The following WDR72 variants were observed in gnomAD, a reference collection of about 807,000 sequenced individuals.
WDR72 encodes the protein WD repeat-containing protein 72.
In WDR72, 120 loss-of-function variants were observed where a neutral mutation model predicts 124.2. The ratio of observed to expected loss-of-function variants is 0.97; its 90% CI spans 0.83 to 1.12. WDR72 has a LOEUF of 1.12. Ranked by LOEUF, WDR72 falls within the 50% of genes most tolerant of loss-of-function variation. The pLI is 0.00. For synonymous variants in WDR72, 452 were observed against 441.7 expected, an observed-to-expected ratio of 1.02 and a Z score of -0.29; for missense variants, 1,387 against 1,278.8, an observed-to-expected ratio of 1.08 and a Z score of -1.29.
intron 1 of WDR72, among the ~76,000 whole-genome samples, chr15:53,750,345 T>G (rs1321492270): frequency 6.6e-6 from 1 of 152,196 alleles, no homozygotes; most frequent in African/African-American, 2.4e-5. Context: ...ATTTACAGAA[T>G]AGTTTACTGA....
chr15:53,581,616 T>C (rs1346418305), intron 18 of WDR72, among the ~76,000 whole-genome samples: 1 of 152,068 alleles, frequency 6.6e-6, no homozygotes, highest in Non-Finnish European at 1.5e-5. Flanking sequence ...TTCTGACATT[T>C]TGCAAATTTT....
At chr15:53,710,328 G>A (rs1219756355) in intron 9 of WDR72, among the ~76,000 whole-genome samples, 1 of 151,914 alleles carries the variant, frequency 6.6e-6, no homozygotes, top group Non-Finnish European at 1.5e-5. Flanking sequence ...AAAAATGTGT[G>A]GTGTGTGTGT....
In WDR72 at chr15:53,524,623, A is replaced by G. The variant is rs577121453; in HGVS notation, c.3149-1301T>C. Among the ~76,000 whole-genome samples, 8 of 152,208 alleles carry G rather than the reference A, an allele frequency of 5.3e-5. No individual in the cohort carries two copies. The East Asian group carries it at 1.6e-3, about 30-fold the overall frequency. The stretch of plus-strand genomic sequence containing the variant: ...CGGACAAACTTTAGAGAAGACTAGT[A>G]ACATGATTCTGGTTTAAATATTCCT... On this transcript the variant is annotated intron_variant, in intron 18 of 19. Coordinates refer to ENST00000360509, the MANE Select transcript of WDR72 (RefSeq NM_182758.4).
chr15:53,755,476 C>T (rs1429901553), intron 1 of WDR72, among the ~76,000 whole-genome samples: 2 of 152,132 alleles, frequency 1.3e-5, no homozygotes, highest in Non-Finnish European at 2.9e-5. Context: ...CAAAAGCGGG[C>T]ATATAGAATT....
At position 53,656,956 on chromosome 15, in the gene WDR72, G is replaced by C. The variant is rs142368497; in HGVS notation, c.1962+8616C>G. On this transcript the variant is annotated intron_variant, in intron 14 of 19. Transcript: ENST00000360509. Reference sequence around the variant, plus strand: ...GCAGGATCTTAACAAATTGTGAGAGGCTACATGTTTTTAAAAAGGAAAAAC... The same window carrying C: ...GCAGGATCTTAACAAATTGTGAGAGCCTACATGTTTTTAAAAAGGAAAAAC... Among the ~76,000 whole-genome samples the C allele has an allele frequency of 3.7e-3, 569 of 152,014 alleles. 4 individuals are homozygous for C. The highest frequency in any genetic ancestry group is 0.013 in the African/African-American group (548 of 41,454).
intron 13 of WDR72, among the ~76,000 whole-genome samples, chr15:53,678,758 T>C (rs949302576): frequency 5.9e-5 from 9 of 152,196 alleles, no homozygotes; most frequent in African/African-American, 1.7e-4. Context: ...CCCCCACCTC[T>C]CATAATGTAT....
chr15:53,746,506 TAGTACAGC>T (rs1205464961), intron 1 of WDR72, among the ~76,000 whole-genome samples: 3 of 152,166 alleles, frequency 2.0e-5, no homozygotes, highest in African/African-American at 7.2e-5. Flanking sequence ...AAAGTAAATA[TAGTACAGC>T]AGTGAATAAT....
chr15:53,613,993 T>C (rs776471191), intron 15 of WDR72, among the ~76,000 whole-genome samples: 13 of 152,084 alleles, frequency 8.5e-5, no homozygotes, highest in Non-Finnish European at 1.9e-4. Flanking sequence ...TTAATCCCAA[T>C]TGACCTGCAC....
At chr15:53,685,371 C>T (rs1338796375) in intron 13 of WDR72, among the ~76,000 whole-genome samples, 1 of 128,534 alleles carries the variant, frequency 7.8e-6, no homozygotes, top group African/African-American at 3.0e-5. Context: ...CTTAAAGGAG[C>T]TGATGGAGCT....
At chr15:53,682,812 C>T (rs1435316262) in intron 13 of WDR72, among the ~76,000 whole-genome samples, 1 of 152,154 alleles carries the variant, frequency 6.6e-6, no homozygotes, top group Non-Finnish European at 1.5e-5. Flanking sequence ...TCCATATTTT[C>T]AGGTTATCTT....
At chr15:53,726,196 G>A (rs1391041898) in intron 2 of WDR72, among the ~76,000 whole-genome samples, 1 of 142,116 alleles carries the variant, frequency 7.0e-6, no homozygotes, top group East Asian at 2.0e-4. Flanking sequence ...ATATATATGT[G>A]TGTGTGTATA....
intron 18 of WDR72, among the ~76,000 whole-genome samples, chr15:53,561,522 A>G (rs951880599): frequency 1.3e-5 from 2 of 151,768 alleles, no homozygotes; most frequent in African/African-American, 2.4e-5. Flanking sequence ...AAGGAGGAAA[A>G]TGATTAATTT....
intron 3 of WDR72, among the ~76,000 whole-genome samples, chr15:53,718,694 T>G (rs1002357290): frequency 4.0e-5 from 6 of 151,820 alleles, no homozygotes; most frequent in Non-Finnish European, 7.4e-5. Context: ...GTCGCCTAAG[T>G]TTGTACATAG....
At chr15:53,689,490 G>T (rs1008172791) in intron 13 of WDR72, among the ~76,000 whole-genome samples, 17 of 149,058 alleles carry the variant, frequency 1.1e-4, no homozygotes, top group Non-Finnish European at 7.4e-5. Flanking sequence ...GGCCATCAGA[G>T]AAATGCAAAT....
At chr15:53,521,433 A>AGAT (rs1891787458) in intron 19 of WDR72, among the ~76,000 whole-genome samples, 1 of 152,138 alleles carries the variant, frequency 6.6e-6, no homozygotes, top group East Asian at 1.9e-4. Flanking sequence ...CTATAAGGCA[A>AGAT]GATGTCTTAA....
At chr15:53,554,926 C>T (rs1893870639) in intron 18 of WDR72, among the ~76,000 whole-genome samples, 1 of 151,986 alleles carries the variant, frequency 6.6e-6, no homozygotes, top group South Asian at 2.1e-4. Context: ...ACAAATACTC[C>T]CACCATAACT....
intron 18 of WDR72, among the ~76,000 whole-genome samples, chr15:53,525,191 G>C (rs924915695): frequency 2.0e-5 from 3 of 152,036 alleles, no homozygotes; most frequent in Non-Finnish European, 4.4e-5. Context: ...AAATGTTTAA[G>C]TGGTATAGTT....
chr15:53,523,009 C>T (rs933617681), intron 19 of WDR72, among the ~76,000 whole-genome samples: 1 of 151,940 alleles, frequency 6.6e-6, no homozygotes, highest in South Asian at 2.1e-4. Flanking sequence ...AGTCATAAAG[C>T]CTTTGTACTT....
chr15:53,531,595 C>G (rs1892471777), intron 18 of WDR72, among the ~76,000 whole-genome samples: 1 of 152,004 alleles, frequency 6.6e-6, no homozygotes. Flanking sequence ...TTTGATATTA[C>G]ATAAGCTACT....
Sources: gnomAD v4.1 joint callset for allele counts (sites outside exome capture counted in the v4.1 genomes callset) on GRCh38, gnomAD v4.1.1 for gene constraint, MANE v1.5 for transcripts, NCBI Gene and HGNC (gene_info 2026-07-23, HGNC 2026-07-21) for gene names.